MACROD2: variants seen among roughly 807,000 people sequenced by gnomAD.
MACROD2 encodes ADP-ribose glycohydrolase MACROD2.
Under a neutral mutation model 70.4 loss-of-function variants are expected in MACROD2, and 36 were observed. The observed-to-expected ratio is 0.51, with a 90% confidence interval of 0.39 to 0.68. The LOEUF (loss-of-function observed/expected upper bound fraction) is 0.68. Ranked by LOEUF, MACROD2 falls within the 30% of genes least tolerant of loss-of-function variation. MACROD2 has a pLI of 0.00. For synonymous variants in MACROD2, 172 were observed against 178.8 expected, an observed-to-expected ratio of 0.96 and a Z score of 0.30; for missense variants, 496 against 538.4, an observed-to-expected ratio of 0.92 and a Z score of 0.78.
At chr20:15,176,480 G>C (rs552791566) in intron 5 of MACROD2, among the ~76,000 whole-genome samples, 1 of 152,106 alleles carries the variant, frequency 6.6e-6, no homozygotes. Flanking sequence ...CCCAGACTCA[G>C]CCAGACTTGA....
intron 6 of MACROD2, among the ~76,000 whole-genome samples, chr20:15,320,817 T>A (rs1345639996): frequency 1.3e-5 from 2 of 152,142 alleles, no homozygotes; most frequent in African/African-American, 2.4e-5. Flanking sequence ...AAAGTTGTTA[T>A]GAGATGGTAC....
At chr20:15,087,064 C>G (rs1291355841) in intron 5 of MACROD2, among the ~76,000 whole-genome samples, 1 of 151,956 alleles carries the variant, frequency 6.6e-6, no homozygotes, top group Non-Finnish European at 1.5e-5. Context: ...ATTATCTATA[C>G]CAATACCTAT....
chr20:15,138,799 CATTT>C (rs1242099702), intron 5 of MACROD2, among the ~76,000 whole-genome samples: 1 of 152,130 alleles, frequency 6.6e-6, no homozygotes, highest in Admixed American at 6.6e-5. Flanking sequence ...TGGAATGAGT[CATTT>C]ATTTCTTAAT....
chr20:14,124,991 A>G (rs930974424), intron 3 of MACROD2, among the ~76,000 whole-genome samples: 7 of 152,190 alleles, frequency 4.6e-5, no homozygotes, highest in Non-Finnish European at 7.3e-5. Flanking sequence ...TGAAATACTA[A>G]GATATGCTAC....
chr20:14,469,183 A>C (rs1053109850), intron 3 of MACROD2, among the ~76,000 whole-genome samples: 2 of 151,346 alleles, frequency 1.3e-5, no homozygotes, highest in Non-Finnish European at 2.9e-5. Context: ...TCCTTTGCTT[A>C]TGAACCTTAG....
intron 5 of MACROD2, among the ~76,000 whole-genome samples, chr20:15,173,634 A>AT (rs11482785): frequency 0.12 from 17,950 of 151,354 alleles, 1,418 homozygotes; most frequent in African/African-American, 0.22. Context: ...TTTTAATTCA[A>AT]TTTTTTTTTG....
intron 4 of MACROD2, among the ~76,000 whole-genome samples, chr20:14,498,868 G>A (rs1342756672): frequency 6.6e-6 from 1 of 152,130 alleles, no homozygotes; most frequent in Non-Finnish European, 1.5e-5. Flanking sequence ...TCACTCCAGC[G>A]CTCAACATCC....
intron 8 of MACROD2, among the ~76,000 whole-genome samples, chr20:15,818,994 G>A (rs985115513): frequency 1.3e-5 from 2 of 151,954 alleles, no homozygotes; most frequent in African/African-American, 4.8e-5. Context: ...TGGAGAAGCA[G>A]GGATTCAAAA....
intron 5 of MACROD2, among the ~76,000 whole-genome samples, chr20:15,163,676 C>A (rs1215687425): frequency 6.6e-6 from 1 of 151,750 alleles, no homozygotes; most frequent in Non-Finnish European, 1.5e-5. Context: ...TTGAGTATGA[C>A]CCTCAAATTA....
chr20:15,291,373 C>T (rs1316719043), intron 6 of MACROD2, among the ~76,000 whole-genome samples: 1 of 152,164 alleles, frequency 6.6e-6, no homozygotes, highest in East Asian at 1.9e-4. Context: ...ATACCTAAAT[C>T]ATCTAGCAGA....
intron 7 of MACROD2, among the ~76,000 whole-genome samples, chr20:15,456,780 G>T (rs902325845): frequency 6.6e-6 from 1 of 152,068 alleles, no homozygotes; most frequent in African/African-American, 2.4e-5. Context: ...AAATTCTGAG[G>T]TACAGTGGAA....
At chr20:15,463,418 C>A (rs901545128) in intron 7 of MACROD2, among the ~76,000 whole-genome samples, 3 of 152,170 alleles carry the variant, frequency 2.0e-5, no homozygotes, top group African/African-American at 7.2e-5. Flanking sequence ...CCACTAATAT[C>A]TAGATATAAC....
At chr20:15,882,819 C>T (rs2064773383) in intron 9 of MACROD2, among the ~76,000 whole-genome samples, 1 of 152,004 alleles carries the variant, frequency 6.6e-6, no homozygotes, top group African/African-American at 2.4e-5. Context: ...CCTGATCCTT[C>T]CACACATGGG....
At chr20:14,600,247 A>G (rs867111217) in intron 4 of MACROD2, among the ~76,000 whole-genome samples, 26 of 151,534 alleles carry the variant, frequency 1.7e-4, no homozygotes, top group African/African-American at 5.8e-4. Context: ...GAAAAACAGA[A>G]CCAGTTTTGT....
At chr20:14,678,944 T>C (rs2070895401) in intron 4 of MACROD2, among the ~76,000 whole-genome samples, 1 of 151,446 alleles carries the variant, frequency 6.6e-6, no homozygotes, top group African/African-American at 2.4e-5. Flanking sequence ...ATTTCCTCAG[T>C]ATTATCAGAA....
chr20:15,656,393 T>C (rs191393533), intron 8 of MACROD2, among the ~76,000 whole-genome samples: 34 of 152,284 alleles, frequency 2.2e-4, no homozygotes, highest in African/African-American at 7.0e-4. Context: ...AGAACAATAA[T>C]AGGAATGGCT....
At chr20:15,388,077 G>A (rs1010302912) in intron 6 of MACROD2, among the ~76,000 whole-genome samples, 2 of 152,106 alleles carry the variant, frequency 1.3e-5, no homozygotes, top group Admixed American at 1.3e-4. Flanking sequence ...AACCTAGGGT[G>A]ATCTGAAAGG....
At chr20:14,832,881 G>A (rs1195372669) in intron 5 of MACROD2, among the ~76,000 whole-genome samples, 1 of 152,014 alleles carries the variant, frequency 6.6e-6, no homozygotes, top group African/African-American at 2.4e-5. Flanking sequence ...TGTTTAGGGG[G>A]TTACCACTGT....
chr20:15,069,146 A>C (rs2075600032), intron 5 of MACROD2, among the ~76,000 whole-genome samples: 1 of 152,206 alleles, frequency 6.6e-6, no homozygotes, highest in South Asian at 2.1e-4. Flanking sequence ...GTGGAAGGTG[A>C]AACTTAAGAG....
Sources: gnomAD v4.1 joint callset for allele counts (sites outside exome capture counted in the v4.1 genomes callset) on GRCh38, gnomAD v4.1.1 for gene constraint, MANE v1.5 for transcripts, NCBI Gene and HGNC (gene_info 2026-07-23, HGNC 2026-07-21) for gene names.